Variants in TTN observed in about 807,000 individuals in gnomAD.
TTN encodes the protein connectin.
In TTN, 1,525 loss-of-function variants were observed where a neutral mutation model predicts 3,223.0. The observed-to-expected ratio is 0.47, with a 90% CI of 0.45 to 0.49. TTN has a LOEUF of 0.49. TTN is among the 20% of genes least tolerant of loss of function. The pLI is 0.00. For missense variants in TTN, 40,786 were observed against 43,424.0 expected, an observed-to-expected ratio of 0.94 and a Z score of 5.40; for synonymous variants, 14,094 against 15,161.0, an observed-to-expected ratio of 0.93 and a Z score of 5.17.
chr2:178,706,839 T>C (rs748864813), intron 101 of TTN, 23 bp downstream of exon 101: 2 of 1,606,938 alleles, frequency 1.2e-6, no homozygotes, highest in East Asian at 4.5e-5. Flanking sequence ...GATGAAGATG[T>C]ACTTCTCATG....
Position 178,773,909 on chromosome 2 carries a change from T to C in TTN, c.7259A>G (p.Glu2420Gly). 1 of 1,614,090 alleles carries C rather than the reference T, an allele frequency of 6.2e-7. No homozygotes were observed. The highest frequency in any genetic ancestry group is 8.5e-7 in the Non-Finnish European group (1 of 1,179,994). The change falls in exon 31 of 363, where the codon GAA becomes GGA. Residue 2420 changes from glutamate to glycine, a missense_variant. Transcript: ENST00000589042. Reference protein sequence around the residue: ...HMLLIEDMTKEDAGNYSFTIP... With the variant: ...HMLLIEDMTKGDAGNYSFTIP... Reference sequence around the variant, plus strand: ...GGTGAAAGAGTAATTTCCAGCATCTTCCTTAGTCATGTCTTCAATGAGCAG... The same window carrying C: ...GGTGAAAGAGTAATTTCCAGCATCTCCCTTAGTCATGTCTTCAATGAGCAG...
In TTN at chr2:178,739,745, C is replaced by T; in HGVS notation, c.13488G>A (p.Gln4496=). 1.9e-6 allele frequency: 3 copies of T among 1,613,870 alleles called. No homozygotes were observed. Among genetic ancestry groups the T allele is most frequent in the Non-Finnish European group, 2.5e-6 (3 of 1,179,824 alleles). ...DILTAEGPRI[Q]QGAKTSLQEE... Reference sequence around the variant, plus strand: ...CTTGCAAACTTGTTTTGGCTCCTTGCTGAATTCTAGGACCCTCAGCTGTTA... The same window carrying T: ...CTTGCAAACTTGTTTTGGCTCCTTGTTGAATTCTAGGACCCTCAGCTGTTA... The change falls in exon 48 of 363, where the codon CAG becomes CAA. Residue 4496 remains glutamine (Q), a synonymous_variant. Transcript: ENST00000589042.
At position 178,548,161 on chromosome 2, in the gene TTN, C is replaced by A; in HGVS notation, c.93465G>T (p.Lys31155Asn). The A allele has an allele frequency of 6.2e-7, 1 of 1,613,792 alleles. No individual in the cohort carries two copies. Among genetic ancestry groups the A allele is most frequent in the Non-Finnish European group, 8.5e-7 (1 of 1,179,800 alleles). The change falls in exon 339 of 363, where the codon AAG (lysine) becomes AAT (asparagine). Residue 31155 changes from lysine (K) to asparagine (N), a missense_variant. Physicochemically the swap from Lys to Asn is moderately conservative, Grantham distance 94 (BLOSUM62 0). Coordinates refer to ENST00000589042, the MANE Select transcript of TTN (RefSeq NM_001267550.2). The surrounding 1 kb of genome is among the most constrained non-coding windows in gnomAD (Gnocchi z 4.3). ...ITGYLLEMRQKGSDFWVEAGH... is the reference protein window; with the variant it reads ...ITGYLLEMRQNGSDFWVEAGH... Reference sequence around the variant, plus strand: ...CAGCTTCAACCCAGAAGTCAGATCCCTTTTGTCTCATTTCAAGCAGGTAGC... The same window carrying A: ...CAGCTTCAACCCAGAAGTCAGATCCATTTTGTCTCATTTCAAGCAGGTAGC...
Position 178,764,676 on chromosome 2 carries a change from G to C in TTN, c.9839C>G (p.Ser3280Cys). Residue 3280 changes from serine (S) to cysteine (C), a missense_variant, in exon 42 of 363, where the codon TCC (serine) becomes TGC (cysteine). Transcript: ENST00000589042. ...AAGAAATTTGCACTTGAAGCCAGTG[G>C]AAAGCAGCTGCTCTTCCTTGTACCA... ...ISWYKEEQLL[S>C]TGFKCKFLHD... 1 of 1,614,156 alleles carries C rather than the reference G, an allele frequency of 6.2e-7. No homozygotes were observed. Among genetic ancestry groups the C allele is most frequent in the Non-Finnish European group, 8.5e-7 (1 of 1,180,008 alleles).
rs765282158 is a variant in TTN at position 178,529,228 on chromosome 2, G to T, written c.106532-9C>A. ...CTCAGTATCTTTTATAGCTAAAAAA[G>T]AAACCTCTGTAAGGCAAACTTAATT... On this transcript the variant is annotated splice_polypyrimidine_tract_variant and intron_variant, in intron 359 of 362. Transcript: ENST00000589042. 15 of 1,449,714 alleles carry T rather than the reference G, an allele frequency of 1.0e-5. No individual in the cohort carries two copies. In the South Asian group the frequency reaches 2.1e-4, roughly 20 times the overall value. The allele number at this position is 1,449,714 out of a possible 1,614,324, so 89.8% of individuals were successfully genotyped here.
Position 178,571,073 on chromosome 2 carries a change from C to T in TTN, c.75059G>A (p.Arg25020Lys). The change falls in exon 326 of 363, where the codon AGG (arginine) becomes AAG (lysine). Residue 25020 changes from arginine (R) to lysine (K), a missense_variant. Arg to Lys is a conservative substitution (Grantham distance 26). Transcript: ENST00000589042. ...CTTCCACTGAAGAGTCACAGAATTCCTTGTGACAATGATTGCCTCTGGCCG... is the reference window on the plus strand; with the variant it reads ...CTTCCACTGAAGAGTCACAGAATTCTTTGTGACAATGATTGCCTCTGGCCG... ...PGRPEAIIVT[R>K]NSVTLQWKKP... 1 of 1,612,938 alleles carries T rather than the reference C, an allele frequency of 6.2e-7. No individual in the cohort carries two copies.
rs537101749 is a variant in TTN at position 178,542,087 on chromosome 2, TCTGAGAAAAGGAGGTTTAGAAAC to T, written c.97492+154_97492+176del. 6,352 of 580,302 alleles carry T rather than the reference TCTGAGAAAAGGAGGTTTAGAAAC, an allele frequency of 0.011. 44 individuals are homozygous for T. Among genetic ancestry groups the T allele is most frequent in the Non-Finnish European group, 0.014 (4,966 of 356,304 alleles). The allele number at this position is 580,302 out of a possible 1,614,324, so 35.9% of individuals were successfully genotyped here. A position where few individuals can be genotyped will look rare whatever the true frequency, so the allele number is the denominator to read the frequency against. On this transcript the variant is annotated intron_variant, in intron 349 of 362. Coordinates refer to ENST00000589042, the MANE Select transcript of TTN (RefSeq NM_001267550.2). Reference sequence around the variant, plus strand: ...ATCAAGCCTAAGTGTGTTGAAAACCTCTGAGAAAAGGAGGTTTAGAAACCTGAGAAAAGGAGGTTTAGAAACCT... The same window carrying T: ...ATCAAGCCTAAGTGTGTTGAAAACCTCTGAGAAAAGGAGGTTTAGAAACCT...
chr2:178,546,425 C>T lies in TTN; in HGVS notation c.94906G>A (p.Asp31636Asn), dbSNP rs776793953. 121 of 1,613,738 alleles carry T rather than the reference C, an allele frequency of 7.5e-5. No homozygotes were observed. In the South Asian group the frequency reaches 1.3e-3, roughly 17 times the overall value. The stretch of plus-strand genomic sequence containing the variant: ...TCAGGTTTGCCACCAACTGCAGCAT[C>T]CAGAACAAGATCAGAACCTGCTCTG... ...TIRAGSDLVL[D>N]AAVGGKPEPK... The change falls in exon 342 of 363, where the codon GAT becomes AAT. Residue 31636 changes from aspartate to asparagine, a missense_variant. Physicochemically the swap from Asp to Asn is conservative, Grantham distance 23. Transcript: ENST00000589042.
chr2:178,685,407 A>T, intron 128 of TTN, 77 bp from the exon 129 acceptor site: 1 of 1,470,610 alleles, frequency 6.8e-7, no homozygotes, highest in Non-Finnish European at 9.2e-7. Context: ...TCTTTTTATT[A>T]GACATGATAT....
chr2:178,771,597 ATTG>A, intron 33 of TTN, 126 bp from the exon 34 acceptor site: 1 of 1,390,392 alleles, frequency 7.2e-7, no homozygotes, highest in Non-Finnish European at 1.0e-6. Flanking sequence ...AATGTCTATG[ATTG>A]TTTTTACCCA....
In TTN at chr2:178,650,287, T is replaced by C; in HGVS notation, c.39710-16A>G. On this transcript the variant is annotated splice_polypyrimidine_tract_variant and intron_variant, in intron 209 of 362. Transcript: ENST00000589042. The stretch of plus-strand genomic sequence containing the variant: ...TCTTCATATACTTTAAAGATATTAG[T>C]TAATTTTATTTCAATGTATGGAACA... 1 of 1,537,300 alleles carries C rather than the reference T, an allele frequency of 6.5e-7. No homozygotes were observed. The highest frequency in any genetic ancestry group is 8.8e-7 in the Non-Finnish European group (1 of 1,136,108).
At chr2:178,786,334 T>G (rs1273249383) in intron 13 of TTN, among the ~76,000 whole-genome samples, 193 bp from the exon 14 acceptor site, 1 of 152,204 alleles carries the variant, frequency 6.6e-6, no homozygotes, top group African/African-American at 2.4e-5. Context: ...TTAGATATAC[T>G]CTCTGTACAC....
In TTN at chr2:178,793,583, T is replaced by C. The variant is rs55896543; in HGVS notation, c.1399-42A>G. Reference sequence around the variant, plus strand: ...AAGGAAGAAAACACCTTAATGCATCTTACATAAAAATTAGTTCAAGACCAG... The same window carrying C: ...AAGGAAGAAAACACCTTAATGCATCCTACATAAAAATTAGTTCAAGACCAG... On this transcript the variant is annotated intron_variant, in intron 8 of 362. Coordinates refer to ENST00000589042, the MANE Select transcript of TTN (RefSeq NM_001267550.2). 3.5e-3 allele frequency: 5,599 copies of C among 1,610,164 alleles called. 17 individuals are homozygous for C. Among genetic ancestry groups the C allele is most frequent in the Non-Finnish European group, 3.9e-3 (4,557 of 1,179,850 alleles).
chr2:178,746,615 C>T (rs1285864367), intron 47 of TTN: 1 of 1,613,110 alleles, frequency 6.2e-7, no homozygotes, highest in East Asian at 2.2e-5. Flanking sequence ...CTTTGCTTCC[C>T]CTATGATGTT....
At position 178,663,833 on chromosome 2, in the gene TTN, A is replaced by C. The variant is rs745441595; in HGVS notation, c.36434T>G (p.Val12145Gly). The change falls in exon 170 of 363, where the codon GTC becomes GGC. Residue 12145 changes from valine (V) to glycine (G), a missense_variant. By Grantham distance (109) the Val-to-Gly change is moderately radical. Transcript: ENST00000589042. ...VPLAPPKEPEVPPVKVPEPPK... is the reference protein window; with the variant it reads ...VPLAPPKEPEGPPVKVPEPPK... ...GTGGCAACTACCTTTAACAGGTGGG[A>C]CTTCAGGCTCTTTAGGAGGAGCCAA... is the stretch of plus-strand genomic sequence containing the variant. 1 of 1,613,522 alleles carries C rather than the reference A, an allele frequency of 6.2e-7. No homozygotes were observed. The highest frequency in any genetic ancestry group is 8.5e-7 in the Non-Finnish European group (1 of 1,179,834).
In TTN at chr2:178,636,719, CAGG is replaced by C. The variant is rs747793660; in HGVS notation, c.41005_41007del (p.Pro13669del). The C allele has an allele frequency of 9.9e-6, 16 of 1,613,094 alleles. No homozygotes were observed. In the Admixed American group the frequency reaches 2.3e-4, roughly 24 times the overall value. On this transcript the variant is annotated inframe_deletion, in exon 225 of 363. Coordinates refer to ENST00000589042, the MANE Select transcript of TTN (RefSeq NM_001267550.2). The surrounding 1 kb of genome is among the most constrained non-coding windows in gnomAD (Gnocchi z 4.3). ...AGCTGGTAGGTGAACGGGGCTTCAT[CAGG>C]AGGTTTCTCTCCACCACTTCCTGGC...
In TTN at chr2:178,632,717, T is replaced by C; in HGVS notation, c.43289A>G (p.Glu14430Gly). Residue 14430 changes from glutamate to glycine, a missense_variant, in exon 235 of 363, where the codon GAA becomes GGA. Physicochemically the swap from Glu to Gly is moderately conservative, Grantham distance 98 (BLOSUM62 -2). Transcript: ENST00000589042. Reference protein sequence around the residue: ...FEKDEAKFECEVSREPKTFRW... With the variant: ...FEKDEAKFECGVSREPKTFRW... The stretch of plus-strand genomic sequence containing the variant: ...GAATGTTTTGGGCTCCCTGGATACT[T>C]CACACTCAAACTTAGCCTCATCTTT... The C allele has an allele frequency of 6.2e-7, 1 of 1,613,398 alleles. No individual in the cohort carries two copies. The highest frequency in any genetic ancestry group is 1.1e-5 in the South Asian group (1 of 91,068).
At chr2:178,788,748 C>T (rs2093337631) in intron 13 of TTN, among the ~76,000 whole-genome samples, 1 of 151,960 alleles carries the variant, frequency 6.6e-6, no homozygotes, top group South Asian at 2.1e-4. Context: ...CTTTTCATGG[C>T]TTATGTGTAA....
chr2:178,751,304 T>C (rs1262370667), intron 47 of TTN: 1 of 1,610,918 alleles, frequency 6.2e-7, no homozygotes, highest in Non-Finnish European at 8.5e-7. Flanking sequence ...CAACTTCACT[T>C]TGGTCTCCTT....
Sources: allele counts gnomAD v4.1 joint callset (sites outside exome capture counted in the v4.1 genomes callset), GRCh38; gene constraint gnomAD v4.1.1; non-coding constraint Gnocchi (gnomAD v3.1); transcripts MANE v1.5; gene names NCBI Gene and HGNC (gene_info 2026-07-23, HGNC 2026-07-21).